The following RAB33B variants were observed in gnomAD, a reference collection of about 807,000 sequenced individuals.
RAB33B encodes the protein ras-related protein Rab-33B.
In RAB33B, 6 loss-of-function variants were observed where a neutral mutation model predicts 15.0. The ratio of observed to expected loss-of-function variants is 0.40; its 90% CI spans 0.22 to 0.79. The LOEUF (loss-of-function observed/expected upper bound fraction) is 0.79, where lower values mean the gene tolerates loss of function less well. Among genes scored for constraint, RAB33B ranks in the 30% least tolerant of loss-of-function variants. The probability of loss-of-function intolerance (pLI) is 0.37; values close to 1 mark genes in which losing one functional copy is unlikely to be tolerated. For synonymous variants in RAB33B, 117 were observed against 108.3 expected (o/e 1.08, Z -0.50); for missense variants, 257 against 296.4 (o/e 0.87, Z 0.98).
Position 139,473,379 on chromosome 4 carries a change from A to C in RAB33B, c.*253A>C, listed in dbSNP as rs1394232244. The stretch of plus-strand genomic sequence containing the variant: ...CTGAACATCTCTCCATCTAGAGCCC[A>C]ATGAAGGAAGCTTCAAATGAGAACA... On this transcript the variant is annotated 3_prime_UTR_variant, in exon 2 of 2. Coordinates refer to ENST00000305626, the MANE Select transcript of RAB33B (RefSeq NM_031296.3). The C allele has an allele frequency of 2.2e-6, 1 of 459,562 alleles. No individual in the cohort carries two copies. Among genetic ancestry groups the C allele is most frequent in the Non-Finnish European group, 3.8e-6 (1 of 261,004 alleles). 28.5% of individuals were successfully genotyped at this position (459,562 alleles called of 1,614,324 possible).
At chr4:139,455,038 C>T (rs1380872469) in intron 1 of RAB33B, among the ~76,000 whole-genome samples, 1 of 152,156 alleles carries the variant, frequency 6.6e-6, no homozygotes, top group African/African-American at 2.4e-5. Context: ...GTGATAGTTC[C>T]TACTCAGGTT....
chr4:139,454,111 C>T (rs1346058845), upstream of RAB33B: 9 of 1,474,334 alleles, frequency 6.1e-6, no homozygotes, highest in Admixed American at 2.3e-5. Context: ...AACTGGCCGG[C>T]TGGGCGCGCG....
the RAB33B span, among the ~76,000 whole-genome samples, chr4:139,446,507 A>G: frequency 6.6e-6 from 1 of 152,240 alleles, no homozygotes; most frequent in Non-Finnish European, 1.5e-5. Context: ...GGTCAGGGAC[A>G]TGGAAGAAGC....
chr4:139,463,671 A>C (rs959551520), intron 1 of RAB33B, among the ~76,000 whole-genome samples: 1 of 152,104 alleles, frequency 6.6e-6, no homozygotes, highest in African/African-American at 2.4e-5. Context: ...AAGCCTCAAG[A>C]GTTTTCTAGG....
chr4:139,452,420 A>T (rs145634884), upstream of RAB33B: 128 of 152,340 alleles, frequency 8.4e-4, no homozygotes, highest in African/African-American at 2.9e-3. Context: ...AGTTTTTTTC[A>T]CCATCCTTGA....
chr4:139,446,597 G>A, the RAB33B span, among the ~76,000 whole-genome samples: 213 of 152,348 alleles, frequency 1.4e-3, no homozygotes, highest in African/African-American at 5.0e-3. Flanking sequence ...AAACTGTGAA[G>A]ATATTTGTAT....
In RAB33B at chr4:139,475,758, C is replaced by T. The variant is rs1416521474; in HGVS notation, c.*2632C>T. ...ATTTGAGAACACCAAAGGAAACTAC[C>T]CCAGAATCTAATGTAGTTCGCTATT... On this transcript the variant is annotated 3_prime_UTR_variant, in exon 2 of 2. Transcript: ENST00000305626. The T allele has an allele frequency of 1.3e-5, 2 of 151,974 alleles. No homozygotes were observed. The highest frequency in any genetic ancestry group is 4.8e-5 in the African/African-American group (2 of 41,388). 9.4% of individuals were successfully genotyped at this position (151,974 alleles called of 1,614,324 possible). A position where few individuals can be genotyped will look rare whatever the true frequency, so the allele number is the denominator to read the frequency against.
In RAB33B at chr4:139,472,903, T is replaced by C. The variant is rs374903402; in HGVS notation, c.467T>C (p.Ile156Thr). The C allele has an allele frequency of 3.7e-6, 6 of 1,614,172 alleles. No homozygotes were observed. The highest frequency in any genetic ancestry group is 1.3e-5 in the African/African-American group (1 of 75,044). ...AATAAATGTGACTTGAGAAGTGCCA[T>C]ACAGGTACCCACAGACTTGGCACAA... ...VGNKCDLRSA[I>T]QVPTDLAQKF... The change falls in exon 2 of 2, where the codon ATA (isoleucine) becomes ACA (threonine). Residue 156 changes from isoleucine (I) to threonine (T), a missense_variant. Ile to Thr is a moderately conservative substitution (Grantham distance 89). Transcript: ENST00000305626.
chr4:139,441,591 G>A, the RAB33B span, among the ~76,000 whole-genome samples: 3 of 151,970 alleles, frequency 2.0e-5, no homozygotes, highest in Non-Finnish European at 2.9e-5. Flanking sequence ...GATTTATGAC[G>A]GAATTATATC....
At chr4:139,468,625 A>T (rs1468668847) in intron 1 of RAB33B, among the ~76,000 whole-genome samples, 3 of 152,008 alleles carry the variant, frequency 2.0e-5, no homozygotes, top group Non-Finnish European at 4.4e-5. Flanking sequence ...AATATTCTGT[A>T]TTTTTCTGTG....
At chr4:139,460,330 A>G (rs756730907) in intron 1 of RAB33B, among the ~76,000 whole-genome samples, 2 of 152,246 alleles carry the variant, frequency 1.3e-5, no homozygotes, top group African/African-American at 2.4e-5. Flanking sequence ...AATTATGCAC[A>G]TGAAGTTGAA....
chr4:139,450,346 G>C (rs2111061456), upstream of RAB33B: 1 of 152,366 alleles, frequency 6.6e-6, no homozygotes, highest in South Asian at 2.1e-4. Flanking sequence ...GGCCAGCAAG[G>C]CCAATGCCAT....
chr4:139,466,716 C>T (rs188841342), intron 1 of RAB33B, among the ~76,000 whole-genome samples: 22 of 151,884 alleles, frequency 1.4e-4, no homozygotes, highest in South Asian at 4.2e-4. Context: ...GTAGCTGGGA[C>T]TACAGGTGCA....
At position 139,476,172 on chromosome 4, in the gene RAB33B, T is replaced by A. The variant is rs2111091681; in HGVS notation, c.*3046T>A. On this transcript the variant is annotated 3_prime_UTR_variant, in exon 2 of 2. Coordinates refer to ENST00000305626, the MANE Select transcript of RAB33B (RefSeq NM_031296.3). ...GTGTGTTTTAGTAATCCAGCTTGTTTTAGAATAGTTCAGTGCAAAAAGCAA... is the reference window on the plus strand; with the variant it reads ...GTGTGTTTTAGTAATCCAGCTTGTTATAGAATAGTTCAGTGCAAAAAGCAA... The A allele has an allele frequency of 6.6e-6, 1 of 152,326 alleles. No homozygotes were observed. The allele number at this position is 152,326 out of a possible 1,614,324, so 9.4% of individuals were successfully genotyped here.
At chr4:139,458,581 G>C (rs1750113115) in intron 1 of RAB33B, among the ~76,000 whole-genome samples, 1 of 152,182 alleles carries the variant, frequency 6.6e-6, no homozygotes, top group Admixed American at 6.5e-5. Flanking sequence ...TGCTGCAAAG[G>C]ACATGATCTT....
intron 1 of RAB33B, among the ~76,000 whole-genome samples, chr4:139,455,355 T>C (rs1211189404): frequency 6.6e-6 from 1 of 152,196 alleles, no homozygotes; most frequent in Non-Finnish European, 1.5e-5. Context: ...TGCCTTATAC[T>C]ACTGCTTTAA....
chr4:139,452,127 G>A (rs2111063531), upstream of RAB33B: 3 of 152,330 alleles, frequency 2.0e-5, no homozygotes, highest in South Asian at 6.2e-4. Context: ...TGTAACTGGT[G>A]AAATGTTCAA....
the RAB33B span, among the ~76,000 whole-genome samples, chr4:139,445,756 T>G: frequency 6.6e-6 from 1 of 152,150 alleles, no homozygotes; most frequent in Non-Finnish European, 1.5e-5. Context: ...CTCTGCCACT[T>G]GGGCCATATG....
rs1750505938 is a variant in RAB33B, at chr4:139,476,534, T to C, written c.*3408T>C. 6.6e-6 allele frequency: 1 copy of C among 152,268 alleles called. No individual in the cohort carries two copies. Among genetic ancestry groups the C allele is most frequent in the African/African-American group, 2.4e-5 (1 of 41,478 alleles). 9.4% of individuals were successfully genotyped at this position (152,268 alleles called of 1,614,324 possible). A position where few individuals can be genotyped will look rare whatever the true frequency, so the allele number is the denominator to read the frequency against. On this transcript the variant is annotated 3_prime_UTR_variant, in exon 2 of 2. Coordinates refer to ENST00000305626, the MANE Select transcript of RAB33B (RefSeq NM_031296.3). ...GGCAAGGGCGAATGCACTTGGTTTG[T>C]TGGAATAACCTGATTTATCAAACAT... is the stretch of plus-strand genomic sequence containing the variant.
Sources: gnomAD v4.1 joint callset for allele counts (sites outside exome capture counted in the v4.1 genomes callset) on GRCh38, gnomAD v4.1.1 for gene constraint, MANE v1.5 for transcripts, NCBI Gene and HGNC (gene_info 2026-07-23, HGNC 2026-07-21) for gene names.